The following SELENOF variants were observed in gnomAD, a reference collection of about 807,000 sequenced individuals.
SELENOF encodes 15 kDa selenoprotein.
In SELENOF, 16 loss-of-function variants were observed where a neutral mutation model predicts 20.5. The observed-to-expected ratio is 0.78, with a 90% CI of 0.53 to 1.19. The LOEUF is 1.19. Ranked by LOEUF, SELENOF falls within the 50% of genes most tolerant of loss-of-function variation. The pLI is 0.00. For missense variants in SELENOF, 215 were observed against 194.2 expected (o/e 1.11, Z -0.64); for synonymous variants, 78 against 74.5 (o/e 1.05, Z -0.24).
chr1:86,897,476 G>C, intron 2 of SELENOF, among the ~76,000 whole-genome samples: 1 of 152,104 alleles, frequency 6.6e-6, no homozygotes, highest in Non-Finnish European at 1.5e-5. Flanking sequence ...TAAGAAGATG[G>C]GAAGCTGAGC....
At chr1:86,876,948 A>G (rs1415035146) in intron 3 of SELENOF, among the ~76,000 whole-genome samples, 2 of 152,214 alleles carry the variant, frequency 1.3e-5, no homozygotes, top group African/African-American at 4.8e-5. Context: ...AGAATATTGC[A>G]TATGAGAAAG....
At chr1:86,874,076 G>A (rs1367735544) in intron 3 of SELENOF, among the ~76,000 whole-genome samples, 1 of 150,818 alleles carries the variant, frequency 6.6e-6, no homozygotes, top group African/African-American at 2.4e-5. Context: ...TAAAGAAATG[G>A]TGTCATACTA....
intron 1 of SELENOF, among the ~76,000 whole-genome samples, chr1:86,912,310 T>A (rs762180427): frequency 6.6e-6 from 1 of 152,218 alleles, no homozygotes; most frequent in African/African-American, 2.4e-5. Context: ...GAGTCAAACA[T>A]GACATCCAAA....
At chr1:86,884,342 T>A (rs1386230270) in intron 2 of SELENOF, among the ~76,000 whole-genome samples, 1 of 128,590 alleles carries the variant, frequency 7.8e-6, no homozygotes, top group Non-Finnish European at 1.6e-5. Context: ...CGGGCGCACA[T>A]ACATACACAC....
At chr1:86,864,571 T>C (rs1344211318) in intron 4 of SELENOF, among the ~76,000 whole-genome samples, 1 of 152,076 alleles carries the variant, frequency 6.6e-6, no homozygotes. Context: ...TTGTGGAGTT[T>C]AGAAAATAGG....
chr1:86,909,745 T>C (rs545186), intron 1 of SELENOF, among the ~76,000 whole-genome samples: 37,499 of 151,990 alleles, frequency 0.25, 5,470 homozygotes, highest in African/African-American at 0.4. Flanking sequence ...GTGGCTCAAG[T>C]CTGTAATCCC....
chr1:86,892,883 C>T (rs1252508447), intron 2 of SELENOF, among the ~76,000 whole-genome samples: 1 of 152,118 alleles, frequency 6.6e-6, no homozygotes, highest in Non-Finnish European at 1.5e-5. Flanking sequence ...TTGTTAAGTA[C>T]AAATGGCAAA....
chr1:86,883,603 AGATTT>A (rs1350110081), intron 2 of SELENOF, among the ~76,000 whole-genome samples: 1 of 152,206 alleles, frequency 6.6e-6, no homozygotes, highest in East Asian at 1.9e-4. Flanking sequence ...TTTGGTTATT[AGATTT>A]ATCTTTTGTT....
intron 2 of SELENOF, among the ~76,000 whole-genome samples, chr1:86,896,376 G>A (rs1295964444): frequency 6.6e-6 from 1 of 152,072 alleles, no homozygotes; most frequent in Non-Finnish European, 1.5e-5. Context: ...GCATCCAGCA[G>A]CCATAAGCAA....
At chr1:86,907,982 A>G (rs1659874605) in intron 1 of SELENOF, among the ~76,000 whole-genome samples, 1 of 144,308 alleles carries the variant, frequency 6.9e-6, no homozygotes, top group African/African-American at 2.7e-5. Context: ...GTGAATCGCC[A>G]TCTCAAAAAA....
chr1:86,866,254 G>A (rs961353150), intron 4 of SELENOF, among the ~76,000 whole-genome samples: 3 of 147,796 alleles, frequency 2.0e-5, no homozygotes, highest in African/African-American at 7.6e-5. Context: ...GTGTGTGTGT[G>A]TGTGTGTGTG....
intron 4 of SELENOF, among the ~76,000 whole-genome samples, 190 bp downstream of exon 4, chr1:86,867,863 C>T (rs1658650206): frequency 6.6e-6 from 1 of 151,706 alleles, no homozygotes; most frequent in Admixed American, 6.6e-5. Flanking sequence ...TTTCATAAAC[C>T]TAAAAGTGCT....
intron 3 of SELENOF, among the ~76,000 whole-genome samples, chr1:86,877,787 A>G (rs1021399505): frequency 3.9e-5 from 6 of 152,240 alleles, no homozygotes; most frequent in African/African-American, 1.2e-4. Flanking sequence ...ACAGGAACAC[A>G]GTGACGTGCA....
intron 3 of SELENOF, among the ~76,000 whole-genome samples, chr1:86,873,579 G>C (rs377115198): frequency 6.6e-6 from 1 of 152,090 alleles, no homozygotes; most frequent in Non-Finnish European, 1.5e-5. Flanking sequence ...GGCTGGGCAC[G>C]GTGGCTCATG....
rs36023452 is a variant in SELENOF, at chr1:86,894,170, G to GTT, written c.252+9109_252+9110dup. On this transcript the variant is annotated intron_variant, in intron 2 of 4. Transcript: ENST00000331835. ...AGATAAATCTCTTCTCAACCTGGAG[G>GTT]TTTTTTTTTTTTTTTTTTAAGTATT... Among the ~76,000 whole-genome samples, 340 of 132,608 alleles carry GTT rather than the reference G, an allele frequency of 2.6e-3. 1 individual carries two copies. Among genetic ancestry groups the GTT allele is most frequent in the African/African-American group, 7.4e-3 (270 of 36,392 alleles). The allele number at this position is 132,608 out of a possible 152,430, so 87.0% of individuals were successfully genotyped here. A position where few individuals can be genotyped will look rare whatever the true frequency, so the allele number is the denominator to read the frequency against.
At chr1:86,890,879 A>G (rs1279909188) in intron 2 of SELENOF, among the ~76,000 whole-genome samples, 1 of 152,042 alleles carries the variant, frequency 6.6e-6, no homozygotes, top group African/African-American at 2.4e-5. Flanking sequence ...GGTTGTATCT[A>G]TAGCTCATGA....
Position 86,863,348 on chromosome 1 carries a change from T to C in SELENOF, c.*126A>G. 1.3e-6 allele frequency: 1 copy of C among 777,160 alleles called. No homozygotes were observed. The highest frequency in any genetic ancestry group is 2.0e-6 in the Non-Finnish European group (1 of 507,920). 48.1% of individuals were successfully genotyped at this position (777,160 alleles called of 1,614,324 possible). On this transcript the variant is annotated 3_prime_UTR_variant, in exon 5 of 5. Transcript: ENST00000331835. ...ACTATACTGCCATTTCACGATTTAA[T>C]TAGATATTTAATGCCTCAAGTAAAA...
rs79638595 is a variant in SELENOF, at chr1:86,889,835, T to A, written c.253-9110A>T. Among the ~76,000 whole-genome samples, 1,316 of 152,266 alleles carry A rather than the reference T, an allele frequency of 8.6e-3. 47 individuals are homozygous for A. Among genetic ancestry groups the A allele is most frequent in the Admixed American group, 0.069 (1,056 of 15,292 alleles). On this transcript the variant is annotated intron_variant, in intron 2 of 4. Coordinates refer to ENST00000331835, the MANE Select transcript of SELENOF (RefSeq NM_004261.5). ...AGTCTAATAAATCCAAATAAATAAA[T>A]TTATTGCCTAAATTGATTTCAAATC...
At chr1:86,873,088 T>TAAATA (rs944322220) in intron 3 of SELENOF, among the ~76,000 whole-genome samples, 13 of 116,736 alleles carry the variant, frequency 1.1e-4, no homozygotes, top group East Asian at 2.5e-4. Context: ...AATAAATAAA[T>TAAATA]AAATAAAATA....
Sources: allele counts gnomAD v4.1 joint callset (sites outside exome capture counted in the v4.1 genomes callset), GRCh38; gene constraint gnomAD v4.1.1; transcripts MANE v1.5; gene names NCBI Gene and HGNC (gene_info 2026-07-23, HGNC 2026-07-21).